The following GSTZ1 variants were observed in gnomAD, a reference collection of about 807,000 sequenced individuals.
GSTZ1 encodes glutathione S-transferase zeta 1, also known as maleylacetoacetate isomerase.
In GSTZ1, 34 loss-of-function variants were observed where a neutral mutation model predicts 35.9. That is an observed-to-expected ratio of 0.95 (90% CI 0.72 to 1.26). The LOEUF is 1.26. GSTZ1 is among the 50% of genes most tolerant of loss of function. The pLI is 0.00. For synonymous variants in GSTZ1, 93 were observed against 101.2 expected (o/e 0.92, Z 0.49); for missense variants, 263 against 271.7 (o/e 0.97, Z 0.23).
chr14:77,322,648 C>G (rs944901176), intron 1 of GSTZ1: 3 of 984,970 alleles, frequency 3.0e-6, no homozygotes, highest in Non-Finnish European at 3.6e-6. Context: ...CCAGTTGTGG[C>G]CACCCAATTC....
rs761861755 is a variant in GSTZ1, at chr14:77,326,863, C to T, written c.93C>T (p.Tyr31=). 2.7e-5 allele frequency: 43 copies of T among 1,607,362 alleles called. No homozygotes were observed. The highest frequency in any genetic ancestry group is 2.2e-4 in the South Asian group (20 of 89,734). ...CTCTGGCCTTGAAAGGCATCGACTA[C>T]GAGACGGTGCCCATCAATCTCATAA... is the stretch of plus-strand genomic sequence containing the variant. The part of the protein sequence containing the change: ...RIALALKGID[Y]ETVPINLIKD... The change falls in exon 3 of 9, where the codon TAC becomes TAT. Residue 31 remains tyrosine, a synonymous_variant. Coordinates refer to ENST00000216465, the MANE Select transcript of GSTZ1 (RefSeq NM_145870.3).
chr14:77,330,274 T>C (rs758016092), intron 7 of GSTZ1, 36 bp from the exon 8 acceptor site: 4 of 1,511,522 alleles, frequency 2.6e-6, no homozygotes, highest in Non-Finnish European at 1.8e-6. Context: ...CTCTGGGGTA[T>C]GCACCCTGAT....
intron 4 of GSTZ1, 81 bp from the exon 5 acceptor site, chr14:77,327,831 A>C (rs751343383): frequency 5.2e-4 from 702 of 1,348,016 alleles, no homozygotes; most frequent in Non-Finnish European, 6.2e-4. Flanking sequence ...GGAAGAGGAG[A>C]AGGAGGAGTT....
chr14:77,328,988 C>T, intron 5 of GSTZ1, 135 bp from the exon 6 acceptor site: 1 of 721,050 alleles, frequency 1.4e-6, no homozygotes, highest in Non-Finnish European at 2.5e-6. Context: ...GGAAGGGGCT[C>T]ATGGAGCCTG....
Position 77,326,118 on chromosome 14 carries a change from A to G in GSTZ1, c.68-720A>G, listed in dbSNP as rs8177558. ...TTGAATGCCCAAGTGTGTGTAATAC[A>G]CACATGCATGCACACGCACGCAGTC... On this transcript the variant is annotated intron_variant, in intron 2 of 8. Coordinates refer to ENST00000216465, the MANE Select transcript of GSTZ1 (RefSeq NM_145870.3). 2.6e-5 allele frequency: 4 copies of G among 152,332 alleles called. No homozygotes were observed. In the South Asian group the frequency reaches 6.2e-4, roughly 24 times the overall value. 9.4% of individuals were successfully genotyped at this position (152,332 alleles called of 1,614,324 possible). A position where few individuals can be genotyped will look rare whatever the true frequency, so the allele number is the denominator to read the frequency against.
In GSTZ1 at chr14:77,327,487, C is replaced by A. The variant is rs1482764002; in HGVS notation, c.151C>A (p.Gln51Lys). The A allele has an allele frequency of 1.9e-6, 3 of 1,606,638 alleles. No homozygotes were observed. The highest frequency in any genetic ancestry group is 2.6e-6 in the Non-Finnish European group (3 of 1,175,738). ...DGGQQFSKDF[Q>K]ALNPMKQVPT... ...GTCTCCACAGTTTTCTAAGGACTTC[C>A]AGGCACTGAATCCTATGAAGCAGGT... is the stretch of plus-strand genomic sequence containing the variant. Residue 51 changes from glutamine (Q) to lysine (K), a missense_variant, in exon 4 of 9, where the codon CAG becomes AAG. Gln to Lys is a moderately conservative substitution (Grantham distance 53, BLOSUM62 1). Coordinates refer to ENST00000216465, the MANE Select transcript of GSTZ1 (RefSeq NM_145870.3).
At position 77,327,365 on chromosome 14, in the gene GSTZ1, A is replaced by T. The variant is rs1465088227; in HGVS notation, c.136-107A>T. 4.2e-6 allele frequency: 3 copies of T among 718,248 alleles called. No individual in the cohort carries two copies. The Admixed American group carries it at 6.1e-5, about 15-fold the overall frequency. The allele number at this position is 718,248 out of a possible 1,614,324, so 44.5% of individuals were successfully genotyped here. On this transcript the variant is annotated intron_variant, in intron 3 of 8. Transcript: ENST00000216465. ...CCTAGGATTTAGGGCCTTCCCAGGG[A>T]AGGGAGATGGGGGTGGGTGGCAGGC... is the stretch of plus-strand genomic sequence containing the variant.
At chr14:77,324,794 A>C in intron 1 of GSTZ1, 76 bp from the exon 2 acceptor site, 1 of 1,422,234 alleles carries the variant, frequency 7.0e-7, no homozygotes, top group Non-Finnish European at 9.9e-7. Context: ...CAGGACAGGA[A>C]GAAATGGTTG....
intron 1 of GSTZ1, 170 bp downstream of exon 1, chr14:77,321,353 GC>G: frequency 6.5e-7 from 1 of 1,532,734 alleles, no homozygotes; most frequent in African/African-American, 1.4e-5. Context: ...GCCCGCTGGG[GC>G]TCGAAGTTCC....
rs372065316 is a variant in GSTZ1, at chr14:77,329,815, G to C, written c.474+8G>C. On this transcript the variant is annotated splice_region_variant and intron_variant, in intron 7 of 8. Transcript: ENST00000216465. The stretch of plus-strand genomic sequence containing the variant: ...TACTGTGTAGGAGACGAGGTAAGCT[G>C]TCCCCAGACCTCCCCAGGCCCAGCC... 22 of 1,609,740 alleles carry C rather than the reference G, an allele frequency of 1.4e-5. No individual in the cohort carries two copies. In the African/African-American group the frequency reaches 2.4e-4, roughly 18 times the overall value.
intron 4 of GSTZ1, 133 bp downstream of exon 4, chr14:77,327,685 A>G: frequency 1.3e-6 from 1 of 753,146 alleles, no homozygotes. Flanking sequence ...ACTCGTGGGG[A>G]GGGTGCGAGG....
At chr14:77,328,497 A>G (rs1892451774) in intron 5 of GSTZ1, 2 of 178,466 alleles carry the variant, frequency 1.1e-5, no homozygotes, top group Non-Finnish European at 2.4e-5. Flanking sequence ...ATGAGGAAAT[A>G]GCCCCAGAAA....
At chr14:77,330,511 G>A (rs748607017) in intron 8 of GSTZ1, 152 bp downstream of exon 8, 12 of 706,322 alleles carry the variant, frequency 1.7e-5, no homozygotes, top group Non-Finnish European at 2.8e-5. Context: ...CCTGGAAGAG[G>A]GCAGAAGAAA....
chr14:77,321,301 T>C (rs768924128), intron 1 of GSTZ1, 118 bp downstream of exon 1: 4 of 1,523,734 alleles, frequency 2.6e-6, no homozygotes, highest in Middle Eastern at 1.7e-4. Context: ...CGGCATGCAG[T>C]GCTTTGCGCC....
In GSTZ1 at chr14:77,321,057, C is replaced by A; in HGVS notation, c.-112C>A. 8.4e-7 allele frequency: 1 copy of A among 1,189,230 alleles called. No homozygotes were observed. Among genetic ancestry groups the A allele is most frequent in the Non-Finnish European group, 1.1e-6 (1 of 871,192 alleles). 73.7% of individuals were successfully genotyped at this position (1,189,230 alleles called of 1,614,324 possible). A position where few individuals can be genotyped will look rare whatever the true frequency, so the allele number is the denominator to read the frequency against. On this transcript the variant is annotated 5_prime_UTR_variant, in exon 1 of 9. Coordinates refer to ENST00000216465, the MANE Select transcript of GSTZ1 (RefSeq NM_145870.3). ...CTTTCTAGTCCAGCCCCTCGCTTTA[C>A]CCGGACGAAAGACACGGGCCTGATT...
intron 3 of GSTZ1, 80 bp downstream of exon 3, chr14:77,326,985 C>T (rs1892352227): frequency 3.1e-6 from 3 of 963,584 alleles, no homozygotes; most frequent in African/African-American, 3.2e-5. Flanking sequence ...AGGGGAGGCT[C>T]TGCCCCAGAG....
intron 1 of GSTZ1, 34 bp downstream of exon 1, chr14:77,321,217 G>A (rs1042062565): frequency 5.9e-6 from 9 of 1,518,618 alleles, no homozygotes; most frequent in Non-Finnish European, 8.0e-6. Flanking sequence ...AGGGAAGCTG[G>A]TTAGACACCT....
chr14:77,329,944 C>A, intron 7 of GSTZ1, 137 bp downstream of exon 7: 1 of 710,692 alleles, frequency 1.4e-6, no homozygotes, highest in South Asian at 1.6e-5. Context: ...CAGCTCACTC[C>A]CACTAAACCG....
Position 77,326,871 on chromosome 14 carries a change from T to A in GSTZ1, c.101T>A (p.Val34Glu). 1 of 1,607,356 alleles carries A rather than the reference T, an allele frequency of 6.2e-7. No homozygotes were observed. The highest frequency in any genetic ancestry group is 8.5e-7 in the Non-Finnish European group (1 of 1,176,328). Residue 34 changes from valine (V) to glutamate (E), a missense_variant, in exon 3 of 9, where the codon GTG (valine) becomes GAG (glutamate). Val to Glu is a moderately radical substitution (Grantham distance 121). Coordinates refer to ENST00000216465, the MANE Select transcript of GSTZ1 (RefSeq NM_145870.3). ...LALKGIDYET[V>E]PINLIKDGGQ... is the part of the protein sequence containing the mutation. ...TTGAAAGGCATCGACTACGAGACGGTGCCCATCAATCTCATAAAGGATGGG... is the reference window on the plus strand; with the variant it reads ...TTGAAAGGCATCGACTACGAGACGGAGCCCATCAATCTCATAAAGGATGGG...
Sources: gnomAD v4.1 joint callset for allele counts on GRCh38, gnomAD v4.1.1 for gene constraint, MANE v1.5 for transcripts, NCBI Gene and HGNC (gene_info 2026-07-23, HGNC 2026-07-21) for gene names.